The following R3HCC1L variants were observed in gnomAD, a reference collection of about 807,000 sequenced individuals.
R3HCC1L encodes the protein R3H domain and coiled-coil containing 1 like.
A neutral mutation model predicts 59.9 loss-of-function variants in R3HCC1L; 51 were observed. The ratio of observed to expected loss-of-function variants is 0.85; its 90% CI spans 0.68 to 1.07. The LOEUF (loss-of-function observed/expected upper bound fraction) is 1.07, where lower values mean the gene tolerates loss of function less well. R3HCC1L is among the 50% of genes least tolerant of loss of function. The pLI, the probability that R3HCC1L is intolerant of heterozygous loss-of-function variation, is 0.00. For missense variants in R3HCC1L, 965 were observed against 933.0 expected (o/e 1.03, Z -0.45); for synonymous variants, 322 against 315.2 (o/e 1.02, Z -0.23).
intron 4 of R3HCC1L, among the ~76,000 whole-genome samples, chr10:98,182,457 C>T (rs890282685): frequency 2.0e-5 from 3 of 152,162 alleles, no homozygotes; most frequent in African/African-American, 4.8e-5. Flanking sequence ...TCGGCCCCTC[C>T]TGGGAGGTGT....
chr10:98,174,616 G>A (rs1014104311), intron 4 of R3HCC1L: 220 of 985,174 alleles, frequency 2.2e-4, no homozygotes, highest in Admixed American at 2.5e-4. Context: ...TTAGGAGGGC[G>A]TTAGACATTA....
intron 6 of R3HCC1L, among the ~76,000 whole-genome samples, 187 bp downstream of exon 6, chr10:98,231,874 A>G (rs1425830276): frequency 6.6e-6 from 1 of 152,204 alleles, no homozygotes; most frequent in Non-Finnish European, 1.5e-5. Context: ...TTCCTTAAAA[A>G]TGTCAGGTAG....
chr10:98,153,423 A>G (rs1024955374), intron 1 of R3HCC1L, among the ~76,000 whole-genome samples: 8 of 152,220 alleles, frequency 5.3e-5, no homozygotes, highest in African/African-American at 1.9e-4. Context: ...CAGACTCGTT[A>G]AAGAGTCATC....
At chr10:98,191,188 G>A (rs1409608516) in intron 4 of R3HCC1L, among the ~76,000 whole-genome samples, 1 of 152,166 alleles carries the variant, frequency 6.6e-6, no homozygotes, top group Non-Finnish European at 1.5e-5. Flanking sequence ...ATCACTGGGT[G>A]AAATGGTAAT....
intron 1 of R3HCC1L, among the ~76,000 whole-genome samples, chr10:98,138,896 G>A (rs751052654): frequency 6.6e-6 from 1 of 152,132 alleles, no homozygotes; most frequent in Non-Finnish European, 1.5e-5. Flanking sequence ...AAGATTATTC[G>A]AATGAGGCAC....
chr10:98,204,403 CAAAA>C (rs991759379), intron 4 of R3HCC1L, among the ~76,000 whole-genome samples: 1 of 142,874 alleles, frequency 7.0e-6, no homozygotes, highest in African/African-American at 2.6e-5. Flanking sequence ...AAAACTGTCT[CAAAA>C]AAAAAAGAGA....
intron 1 of R3HCC1L, among the ~76,000 whole-genome samples, chr10:98,137,543 C>T (rs895512121): frequency 6.6e-6 from 1 of 152,164 alleles, no homozygotes; most frequent in Non-Finnish European, 1.5e-5. Flanking sequence ...CCTTAATTCA[C>T]AAACTTTAAA....
rs1250151816 is a variant in R3HCC1L at position 98,135,137 on chromosome 10, G to T, written c.-268+431G>T. On this transcript the variant is annotated intron_variant, in intron 1 of 9. Coordinates refer to ENST00000298999, the MANE Select transcript of R3HCC1L (RefSeq NM_001351015.2). Reference sequence around the variant, plus strand: ...GCCTCGCCTTTGAGCCTCCTCCGCTGCCCGGGAGCCCCGGGCTACGGGCTG... The same window carrying T: ...GCCTCGCCTTTGAGCCTCCTCCGCTTCCCGGGAGCCCCGGGCTACGGGCTG... Among the ~76,000 whole-genome samples, 5 of 152,348 alleles carry T rather than the reference G, an allele frequency of 3.3e-5. No homozygotes were observed. The South Asian group carries it at 8.3e-4, about 25-fold the overall frequency.
In R3HCC1L at chr10:98,210,015, T is replaced by A. The variant is rs1005087766; in HGVS notation, c.1785+116T>A. The A allele has an allele frequency of 2.9e-5, 22 of 768,642 alleles. No homozygotes were observed. In the Admixed American group the frequency reaches 3.0e-4, roughly 10 times the overall value. 47.6% of individuals were successfully genotyped at this position (768,642 alleles called of 1,614,324 possible). ...ATATTTAAGAGTTCCTGCAATAAAC[T>A]AATAGGCTTGTAGATTAAGAAGAGA... On this transcript the variant is annotated intron_variant, in intron 5 of 9. Transcript: ENST00000298999.
intron 5 of R3HCC1L, among the ~76,000 whole-genome samples, chr10:98,219,172 A>G (rs1487493006): frequency 6.6e-6 from 1 of 152,202 alleles, no homozygotes; most frequent in Admixed American, 6.5e-5. Context: ...TTGGCCTCCC[A>G]AAGTGTTGGG....
chr10:98,155,834 A>C (rs889139582), intron 1 of R3HCC1L, among the ~76,000 whole-genome samples: 1 of 149,758 alleles, frequency 6.7e-6, no homozygotes, highest in East Asian at 2.0e-4. Context: ...TGGAGTTTCT[A>C]TTATGGTAGA....
chr10:98,213,546 A>G (rs1460019625), intron 5 of R3HCC1L, among the ~76,000 whole-genome samples: 1 of 152,216 alleles, frequency 6.6e-6, no homozygotes, highest in Non-Finnish European at 1.5e-5. Context: ...AAAGGGGATT[A>G]GATCCCCCAA....
At chr10:98,218,401 A>G (rs1854463737) in intron 5 of R3HCC1L, among the ~76,000 whole-genome samples, 3 of 152,124 alleles carry the variant, frequency 2.0e-5, no homozygotes, top group South Asian at 4.2e-4. Flanking sequence ...TAGGAATGCA[A>G]GGATGATTCA....
intron 2 of R3HCC1L, among the ~76,000 whole-genome samples, chr10:98,160,610 A>G (rs2134166321): frequency 6.6e-6 from 1 of 152,260 alleles, no homozygotes; most frequent in East Asian, 1.9e-4. Flanking sequence ...GGGTTATGTT[A>G]CTCATTTGAA....
chr10:98,163,584 T>C (rs182012327), intron 4 of R3HCC1L, among the ~76,000 whole-genome samples, 187 bp downstream of exon 4: 2 of 152,348 alleles, frequency 1.3e-5, no homozygotes, highest in Admixed American at 6.5e-5. Context: ...CTATTTACTA[T>C]CTGTCTTAAT....
At chr10:98,184,203 C>T (rs1263974480) in intron 4 of R3HCC1L, among the ~76,000 whole-genome samples, 3 of 151,978 alleles carry the variant, frequency 2.0e-5, no homozygotes, top group African/African-American at 7.3e-5. Flanking sequence ...TTCTTAATGT[C>T]TACCCTCAGC....
chr10:98,208,541 A>G lies in R3HCC1L; in HGVS notation c.427A>G (p.Lys143Glu). 2 of 1,614,122 alleles carry G rather than the reference A, an allele frequency of 1.2e-6. No homozygotes were observed. Among genetic ancestry groups the G allele is most frequent in the Non-Finnish European group, 1.7e-6 (2 of 1,180,012 alleles). Residue 143 changes from lysine (K) to glutamate (E), a missense_variant, in exon 5 of 10, where the codon AAG becomes GAG. By Grantham distance (56) the Lys-to-Glu change is moderately conservative. Coordinates refer to ENST00000298999, the MANE Select transcript of R3HCC1L (RefSeq NM_001351015.2). ...ACCTTTGCAGAGACATTTTAAACCAAAGAAGGTGGAGTGTTTGGAAGTTGA... is the reference window on the plus strand; with the variant it reads ...ACCTTTGCAGAGACATTTTAAACCAGAGAAGGTGGAGTGTTTGGAAGTTGA... ...NAPLQRHFKPKKVECLEVETT... is the reference protein window; with the variant it reads ...NAPLQRHFKPEKVECLEVETT...
chr10:98,166,485 AT>A (rs1847961464), intron 4 of R3HCC1L, among the ~76,000 whole-genome samples: 1 of 152,116 alleles, frequency 6.6e-6, no homozygotes. Context: ...CACTTGTAAT[AT>A]CTCCCCTCAG....
chr10:98,177,622 G>A (rs553359989), intron 4 of R3HCC1L, among the ~76,000 whole-genome samples: 2 of 152,304 alleles, frequency 1.3e-5, no homozygotes, highest in South Asian at 2.1e-4. Context: ...TTCCACAATG[G>A]TAGAACTAGT....
Sources: allele counts gnomAD v4.1 joint callset (sites outside exome capture counted in the v4.1 genomes callset), GRCh38; gene constraint gnomAD v4.1.1; transcripts MANE v1.5; gene names NCBI Gene and HGNC (gene_info 2026-07-23, HGNC 2026-07-21).